Variants in ANO2 observed in about 807,000 individuals in gnomAD.
ANO2 encodes the protein anoctamin-2.
In ANO2, 101 loss-of-function variants were observed where a neutral mutation model predicts 124.2. The observed-to-expected ratio is 0.81, with a 90% confidence interval of 0.69 to 0.96. The LOEUF (loss-of-function observed/expected upper bound fraction) is 0.96, where lower values mean the gene tolerates loss of function less well. ANO2 is among the 40% of genes least tolerant of loss of function. The pLI is 0.00. For synonymous variants in ANO2, 486 were observed against 482.5 expected (o/e 1.01, Z -0.09); for missense variants, 1,293 against 1,274.5 (o/e 1.01, Z -0.22).
intron 14 of ANO2, among the ~76,000 whole-genome samples, chr12:5,728,945 A>G (rs1045210753): frequency 3.3e-5 from 5 of 152,246 alleles, no homozygotes; most frequent in African/African-American, 1.2e-4. Context: ...GCAGAAAAAT[A>G]CATTTGAATA....
chr12:5,765,420 T>C (rs746519288), intron 10 of ANO2, among the ~76,000 whole-genome samples: 43 of 152,052 alleles, frequency 2.8e-4, no homozygotes, highest in Non-Finnish European at 5.3e-4. Context: ...TTTTTAAACA[T>C]TAGCAACTAA....
At chr12:5,697,590 C>T (rs1565580997) in intron 14 of ANO2, among the ~76,000 whole-genome samples, 1 of 152,182 alleles carries the variant, frequency 6.6e-6, no homozygotes, top group Admixed American at 6.5e-5. Flanking sequence ...CTCACTGGGG[C>T]TTGTCAGACA....
chr12:5,858,982 G>T (rs750892981), intron 3 of ANO2, among the ~76,000 whole-genome samples: 2 of 152,172 alleles, frequency 1.3e-5, no homozygotes, highest in Non-Finnish European at 2.9e-5. Flanking sequence ...GAAATCACAG[G>T]TTCAAAATAC....
At chr12:5,577,615 G>C (rs1384666774) in intron 22 of ANO2, among the ~76,000 whole-genome samples, 3 of 152,240 alleles carry the variant, frequency 2.0e-5, no homozygotes, top group African/African-American at 7.2e-5. Flanking sequence ...CTCAGGAGTA[G>C]AGTAAGAAAG....
chr12:5,658,142 G>A lies in ANO2; in HGVS notation c.1546-10341C>T, dbSNP rs1042869201. Among the ~76,000 whole-genome samples, 20 of 152,100 alleles carry A rather than the reference G, an allele frequency of 1.3e-4. 1 individual carries two copies. Among genetic ancestry groups the A allele is most frequent in the African/African-American group, 4.8e-4 (20 of 41,420 alleles). On this transcript the variant is annotated intron_variant, in intron 14 of 24. Coordinates refer to ENST00000682330, the MANE Select transcript of ANO2 (RefSeq NM_001364791.2). This position sits in a 1 kb window ranked among gnomAD's most constrained non-coding sequence, Gnocchi z 4.3. ...CCTGGGAATACTGCAGTATGGTCTA[G>A]CCTGGAGGTGGCTGCCTGGGTTCAA...
chr12:5,761,474 C>A (rs1951744255), intron 10 of ANO2, among the ~76,000 whole-genome samples: 1 of 152,092 alleles, frequency 6.6e-6, no homozygotes, highest in Non-Finnish European at 1.5e-5. Flanking sequence ...TTAACTTATC[C>A]CATGTGCAAA....
At chr12:5,711,955 G>A (rs4930747) in intron 14 of ANO2, among the ~76,000 whole-genome samples, 30,799 of 152,034 alleles carry the variant, frequency 0.2, 3,344 homozygotes, top group Middle Eastern at 0.27. Flanking sequence ...CTATCTCCAA[G>A]CACACGTATA....
intron 19 of ANO2, among the ~76,000 whole-genome samples, chr12:5,603,774 C>T (rs1027841347): frequency 5.9e-5 from 9 of 151,692 alleles, no homozygotes; most frequent in African/African-American, 9.7e-5. Context: ...TGAAACCCCG[C>T]CTCTACTAAA....
At chr12:5,600,834 T>A (rs1254862868) in intron 19 of ANO2, among the ~76,000 whole-genome samples, 2 of 152,198 alleles carry the variant, frequency 1.3e-5, no homozygotes, top group East Asian at 1.9e-4. Flanking sequence ...AACCTCCCCA[T>A]GTCCCCCAAC....
intron 14 of ANO2, among the ~76,000 whole-genome samples, chr12:5,667,246 G>A (rs556324017): frequency 2.7e-4 from 41 of 152,152 alleles, no homozygotes; most frequent in Non-Finnish European, 3.7e-4. Context: ...ACAAATTATC[G>A]GGACCCTTGA....
chr12:5,745,529 C>A (rs569965820), intron 11 of ANO2, among the ~76,000 whole-genome samples: 1 of 152,294 alleles, frequency 6.6e-6, no homozygotes, highest in Non-Finnish European at 1.5e-5. Flanking sequence ...GTGCTAAAGC[C>A]AGTGCTCAGA....
At chr12:5,597,980 T>A (rs932819926) in intron 20 of ANO2, among the ~76,000 whole-genome samples, 1 of 152,234 alleles carries the variant, frequency 6.6e-6, no homozygotes, top group South Asian at 2.1e-4. Flanking sequence ...GTTTGTTCTC[T>A]GGTGAGTTGT....
In ANO2 at chr12:5,787,330, C is replaced by T. The variant is rs1452223872; in HGVS notation, c.1055+12177G>A. ...AATGATGTACCCTTTCCTTAGGGTA[C>T]GGTCCAAAATCCCTAACCAGCCCAA... On this transcript the variant is annotated intron_variant, in intron 10 of 24. Coordinates refer to ENST00000682330, the MANE Select transcript of ANO2 (RefSeq NM_001364791.2). This position sits in a 1 kb window ranked among gnomAD's most constrained non-coding sequence, Gnocchi z 4.2. 2.0e-5 allele frequency among the ~76,000 whole-genome samples: 3 copies of T among 152,136 alleles called. No individual in the cohort carries two copies. Among genetic ancestry groups the T allele is most frequent in the Admixed American group, 6.5e-5 (1 of 15,284 alleles).
intron 3 of ANO2, among the ~76,000 whole-genome samples, chr12:5,882,442 T>C (rs888156733): frequency 6.6e-6 from 1 of 152,190 alleles, no homozygotes; most frequent in African/African-American, 2.4e-5. Context: ...TGGACTTTAA[T>C]GGTACCTTCA....
intron 7 of ANO2, among the ~76,000 whole-genome samples, chr12:5,825,179 A>G (rs1054905296): frequency 3.3e-5 from 5 of 152,210 alleles, no homozygotes; most frequent in Non-Finnish European, 7.3e-5. Context: ...GAAGTGTGGC[A>G]GTGGACTCAT....
chr12:5,684,174 G>A (rs10774364), intron 14 of ANO2, among the ~76,000 whole-genome samples: 56,542 of 151,950 alleles, frequency 0.37, 12,252 homozygotes, highest in East Asian at 0.59. Flanking sequence ...TCCTCTGCTC[G>A]CCATGTGGCA....
chr12:5,761,277 G>A lies in ANO2; in HGVS notation c.1056-10307C>T, dbSNP rs545945926. ...ACTAAAACAATGTCTACACCCATATGAGACTAAAAAAAAGAAGAAAGGGGG... is the reference window on the plus strand; with the variant it reads ...ACTAAAACAATGTCTACACCCATATAAGACTAAAAAAAAGAAGAAAGGGGG... On this transcript the variant is annotated intron_variant, in intron 10 of 24. Coordinates refer to ENST00000682330, the MANE Select transcript of ANO2 (RefSeq NM_001364791.2). Among the ~76,000 whole-genome samples, 9 of 151,960 alleles carry A rather than the reference G, an allele frequency of 5.9e-5. No individual in the cohort carries two copies. The East Asian group carries it at 1.4e-3, about 23-fold the overall frequency.
intron 3 of ANO2, among the ~76,000 whole-genome samples, chr12:5,888,596 C>A (rs1939144006): frequency 1.3e-5 from 2 of 152,174 alleles, no homozygotes; most frequent in Admixed American, 6.5e-5. Flanking sequence ...CACCTCCCCA[C>A]TAGATTAGCT....
At chr12:5,609,411 C>T (rs1944372983) in intron 19 of ANO2, among the ~76,000 whole-genome samples, 1 of 152,180 alleles carries the variant, frequency 6.6e-6, no homozygotes, top group Admixed American at 6.6e-5. Context: ...GTCAGAAAAG[C>T]ACCCTGCATG....
Sources: allele counts gnomAD v4.1 joint callset (sites outside exome capture counted in the v4.1 genomes callset), GRCh38; gene constraint gnomAD v4.1.1; non-coding constraint Gnocchi (gnomAD v3.1); transcripts MANE v1.5; gene names NCBI Gene and HGNC (gene_info 2026-07-23, HGNC 2026-07-21).